The following GIT1 variants were observed in gnomAD, a reference collection of about 807,000 sequenced individuals.
GIT1 encodes ARF GTPase-activating protein GIT1.
GIT1 carries 14 observed loss-of-function variants against 91.7 expected under a neutral mutation model. The observed-to-expected ratio is 0.15, with a 90% CI of 0.10 to 0.24. GIT1 has a LOEUF of 0.24. Ranked by LOEUF, GIT1 falls within the 10% of genes least tolerant of loss-of-function variation. The pLI, the probability that GIT1 is intolerant of heterozygous loss-of-function variation, is 1.00. For missense variants in GIT1, 717 were observed against 1,024.9 expected (o/e 0.70, Z 4.10); for synonymous variants, 414 against 418.2 (o/e 0.99, Z 0.12).
rs772732892 is a variant in GIT1 at position 29,575,274 on chromosome 17, C to A, written c.2009+14G>T. On this transcript the variant is annotated intron_variant, in intron 18 of 19. Transcript: ENST00000225394. The surrounding 1 kb of genome is among the most constrained non-coding windows in gnomAD (Gnocchi z 5.5). ...AGGAACTGCATCCCCCTCACCTCCC[C>A]CTCCACTCAGTACCTGTCATGCTTG... 3 of 1,603,990 alleles carry A rather than the reference C, an allele frequency of 1.9e-6. No individual in the cohort carries two copies. The highest frequency in any genetic ancestry group is 2.2e-5 in the South Asian group (2 of 90,102).
In GIT1 at chr17:29,581,791, T is replaced by C. The variant is rs766871934; in HGVS notation, c.669A>G (p.Gln223=). The change falls in exon 6 of 20, where the codon CAA becomes CAG. Residue 223 remains glutamine (Q), a synonymous_variant. Coordinates refer to ENST00000225394, the MANE Select transcript of GIT1 (RefSeq NM_014030.4). The surrounding 1 kb of genome is among the most constrained non-coding windows in gnomAD (Gnocchi z 4.8). ...HELAERLVEC[Q]YELTDRLAFY... ...AGGCCAGCCGGTCAGTGAGCTCATA[T>C]TGGCACTCAACCAGCCTTTCCGCCA... is the stretch of plus-strand genomic sequence containing the variant. The C allele has an allele frequency of 5.0e-6, 8 of 1,612,566 alleles. No individual in the cohort carries two copies. Among genetic ancestry groups the C allele is most frequent in the Non-Finnish European group, 6.8e-6 (8 of 1,179,966 alleles).
At position 29,576,959 on chromosome 17, in the gene GIT1, G is replaced by A. The variant is rs142617234; in HGVS notation, c.1131C>T (p.Leu377=). 3.7e-6 allele frequency: 6 copies of A among 1,601,476 alleles called. No homozygotes were observed. The highest frequency in any genetic ancestry group is 1.3e-5 in the African/African-American group (1 of 74,952). The change falls in exon 12 of 20, where the codon CTC becomes CTT. Residue 377 remains leucine, a synonymous_variant. Transcript: ENST00000225394. ...CGCTGTCGTAGTCGTGTTGGTCGTC[G>A]AGGTCACTCTGGCTCCGCAGAGACA... ...LELSLRSQSD[L]DDQHDYDSVA...
Position 29,578,900 on chromosome 17 carries a change from C to A in GIT1, c.762-121G>T. On this transcript the variant is annotated intron_variant, in intron 7 of 19. Coordinates refer to ENST00000225394, the MANE Select transcript of GIT1 (RefSeq NM_014030.4). The stretch of plus-strand genomic sequence containing the variant: ...GGGAGATGGCACCCCAGATGCTGCA[C>A]ACCAAATGCCTCCCCGCCCTACCCC... 1.9e-6 allele frequency: 3 copies of A among 1,585,826 alleles called. No individual in the cohort carries two copies. In the South Asian group the frequency reaches 3.3e-5, roughly 18 times the overall value.
Position 29,574,453 on chromosome 17 carries a change from A to AG in GIT1, c.*248dup, listed in dbSNP as rs2033109092. The stretch of plus-strand genomic sequence containing the variant: ...GCCTTGCAGGCCCCTGCTCACTAGG[A>AG]GGGGGGAGATGCTATATACAGAGGG... On this transcript the variant is annotated 3_prime_UTR_variant, in exon 20 of 20. Transcript: ENST00000225394. The AG allele has an allele frequency of 5.5e-6, 3 of 542,970 alleles. No homozygotes were observed. The highest frequency in any genetic ancestry group is 6.6e-6 in the Non-Finnish European group (2 of 300,926). The allele number at this position is 542,970 out of a possible 1,614,324, so 33.6% of individuals were successfully genotyped here.
intron 11 of GIT1, 25 bp from the exon 12 acceptor site, chr17:29,577,021 G>C: frequency 6.2e-7 from 1 of 1,604,936 alleles, no homozygotes. Context: ...GTGTCACTCA[G>C]GCCACACTCC....
At chr17:29,577,566 G>A (rs1013412970) in intron 10 of GIT1, 79 bp downstream of exon 10, 28 of 943,476 alleles carry the variant, frequency 3.0e-5, no homozygotes, top group Admixed American at 8.6e-5. Context: ...AGCTGGCTCA[G>A]GCCCCAGCCC....
In GIT1 at chr17:29,581,689, G is replaced by T; in HGVS notation, c.718+53C>A. ...TGCCGGGTGCGTCCAGGTCCCACCT[G>T]CCCAGCCCCAGCCAGGCCTGTCACA... On this transcript the variant is annotated intron_variant, in intron 6 of 19. Transcript: ENST00000225394. The surrounding 1 kb of genome is among the most constrained non-coding windows in gnomAD (Gnocchi z 4.8). The T allele has an allele frequency of 1.4e-6, 2 of 1,448,034 alleles. No homozygotes were observed. The highest frequency in any genetic ancestry group is 1.9e-6 in the Non-Finnish European group (2 of 1,040,968). 89.7% of individuals were successfully genotyped at this position (1,448,034 alleles called of 1,614,324 possible).
At chr17:29,580,004 T>G (rs1283647666) in intron 7 of GIT1, among the ~76,000 whole-genome samples, 1 of 152,128 alleles carries the variant, frequency 6.6e-6, no homozygotes, top group Non-Finnish European at 1.5e-5. Context: ...GTTCCCTGCC[T>G]CCCATGCTGT....
In GIT1 at chr17:29,582,214, C is replaced by T. The variant is rs2033422957; in HGVS notation, c.406-70G>A. On this transcript the variant is annotated intron_variant, in intron 4 of 19. Coordinates refer to ENST00000225394, the MANE Select transcript of GIT1 (RefSeq NM_014030.4). ...GCACCTCCCCACCCACAAGCTGCACCCTGGCTGCCCCTGGGACACCTAGCA... is the reference window on the plus strand; with the variant it reads ...GCACCTCCCCACCCACAAGCTGCACTCTGGCTGCCCCTGGGACACCTAGCA... 4.0e-5 allele frequency: 47 copies of T among 1,173,208 alleles called. No homozygotes were observed. In the South Asian group the frequency reaches 6.5e-4, roughly 16 times the overall value. 72.7% of individuals were successfully genotyped at this position (1,173,208 alleles called of 1,614,324 possible).
chr17:29,581,672 G>A lies in GIT1; in HGVS notation c.718+70C>T. The stretch of plus-strand genomic sequence containing the variant: ...GTCACCATGGCACCTGCTGCCGGGT[G>A]CGTCCAGGTCCCACCTGCCCAGCCC... On this transcript the variant is annotated intron_variant, in intron 6 of 19. Coordinates refer to ENST00000225394, the MANE Select transcript of GIT1 (RefSeq NM_014030.4). The surrounding 1 kb of genome is among the most constrained non-coding windows in gnomAD (Gnocchi z 4.8). 1 of 1,188,342 alleles carries A rather than the reference G, an allele frequency of 8.4e-7. No individual in the cohort carries two copies. The highest frequency in any genetic ancestry group is 1.2e-6 in the Non-Finnish European group (1 of 808,938). 73.6% of individuals were successfully genotyped at this position (1,188,342 alleles called of 1,614,324 possible).
chr17:29,577,460 G>A (rs1039399962), intron 10 of GIT1, among the ~76,000 whole-genome samples, 185 bp downstream of exon 10: 2 of 152,158 alleles, frequency 1.3e-5, no homozygotes, highest in African/African-American at 4.8e-5. Flanking sequence ...AACACCCACC[G>A]GAGCTGCTCC....
chr17:29,579,946 G>C (rs1045359757), intron 7 of GIT1, among the ~76,000 whole-genome samples: 1 of 152,110 alleles, frequency 6.6e-6, no homozygotes, highest in Admixed American at 6.5e-5. Flanking sequence ...TGATGCTCTC[G>C]GGGCTGCTCA....
chr17:29,575,388 G>A lies in GIT1; in HGVS notation c.1909C>T (p.Pro637Ser), dbSNP rs1294328663. The A allele has an allele frequency of 6.2e-7, 1 of 1,613,368 alleles. No homozygotes were observed. Among genetic ancestry groups the A allele is most frequent in the Non-Finnish European group, 8.5e-7 (1 of 1,179,622 alleles). ...ELESLDGDLD[P>S]GLPSTEDVIL... is the part of the protein sequence containing the mutation. ...ACATCCTCTGTGCTGGGAAGCCCAGGATCTAGGTCTCCATCCAGGCTTTCC... is the reference window on the plus strand; with the variant it reads ...ACATCCTCTGTGCTGGGAAGCCCAGAATCTAGGTCTCCATCCAGGCTTTCC... Residue 637 changes from proline (P) to serine (S), a missense_variant, in exon 18 of 20, where the codon CCT becomes TCT. Transcript: ENST00000225394. The surrounding 1 kb of genome is among the most constrained non-coding windows in gnomAD (Gnocchi z 5.5).
chr17:29,575,248 C>G lies in GIT1; in HGVS notation c.2009+40G>C. 6.3e-7 allele frequency: 1 copy of G among 1,584,978 alleles called. No homozygotes were observed. Among genetic ancestry groups the G allele is most frequent in the South Asian group, 1.1e-5 (1 of 87,728 alleles). On this transcript the variant is annotated intron_variant, in intron 18 of 19. Coordinates refer to ENST00000225394, the MANE Select transcript of GIT1 (RefSeq NM_014030.4). The surrounding 1 kb of genome is among the most constrained non-coding windows in gnomAD (Gnocchi z 5.5). ...CTCTCTGCAACACCCTAGAAGCCAA[C>G]AGGAACTGCATCCCCCTCACCTCCC...
At chr17:29,577,064 C>T in intron 11 of GIT1, 68 bp from the exon 12 acceptor site, 2 of 1,606,728 alleles carry the variant, frequency 1.2e-6, no homozygotes, top group South Asian at 1.1e-5. Flanking sequence ...TCACCACTGG[C>T]AGGGAGAGCC....
chr17:29,584,884 C>T (rs557489631), intron 1 of GIT1, among the ~76,000 whole-genome samples: 49 of 151,848 alleles, frequency 3.2e-4, no homozygotes, highest in Non-Finnish European at 6.2e-4. Flanking sequence ...AGCCTGAGCT[C>T]TGCCCACAGC....
At chr17:29,577,073 C>T in intron 11 of GIT1, 63 bp downstream of exon 11, 3 of 1,605,496 alleles carry the variant, frequency 1.9e-6, no homozygotes, top group Non-Finnish European at 2.6e-6. Context: ...GCAGGGAGAG[C>T]CATGCAGGAA....
intron 12 of GIT1, 94 bp from the exon 13 acceptor site, chr17:29,576,768 C>T (rs2033220237): frequency 6.3e-7 from 1 of 1,578,190 alleles, no homozygotes; most frequent in Non-Finnish European, 8.6e-7. Context: ...GCCCACCTGT[C>T]CCTCAGGCCC....
At chr17:29,585,120 G>A (rs1261193867) in intron 1 of GIT1, among the ~76,000 whole-genome samples, 1 of 152,052 alleles carries the variant, frequency 6.6e-6, no homozygotes, top group Non-Finnish European at 1.5e-5. Context: ...CCAGGGCTCA[G>A]GAGGAAGGGA....
Sources: gnomAD v4.1 joint callset for allele counts (sites outside exome capture counted in the v4.1 genomes callset) on GRCh38, gnomAD v4.1.1 for gene constraint, Gnocchi (gnomAD v3.1) non-coding constraint, MANE v1.5 for transcripts, NCBI Gene and HGNC (gene_info 2026-07-23, HGNC 2026-07-21) for gene names.